Variants in ASTN2 observed in about 807,000 individuals in gnomAD.
ASTN2 encodes the protein astrotactin 2.
In ASTN2, 54 loss-of-function variants were observed where a neutral mutation model predicts 139.8. That is an observed-to-expected ratio of 0.39 (90% CI 0.31 to 0.48). The LOEUF (loss-of-function observed/expected upper bound fraction) is 0.48, where lower values mean the gene tolerates loss of function less well. Among genes scored for constraint, ASTN2 ranks in the 20% least tolerant of loss-of-function variants. ASTN2 has a pLI of 0.95. For missense variants in ASTN2, 1,565 were observed against 1,725.1 expected (o/e 0.91, Z 1.64); for synonymous variants, 756 against 719.5 (o/e 1.05, Z -0.81).
At position 117,051,638 on chromosome 9, in the gene ASTN2, C is replaced by T. The variant is rs190485091; in HGVS notation, c.1277-11673G>A. 6.9e-4 allele frequency among the ~76,000 whole-genome samples: 105 copies of T among 152,292 alleles called. 4 individuals carry two copies. In the East Asian group the frequency reaches 8.9e-3, roughly 13 times the overall value. On this transcript the variant is annotated intron_variant, in intron 5 of 22. Transcript: ENST00000313400. ...TTCTAAAAATGGAAAATATGTTGCC[C>T]ATCATTCTTTTATTTCAAAGACAGA...
intron 1 of ASTN2, among the ~76,000 whole-genome samples, chr9:117,355,746 T>C (rs1829522946): frequency 6.6e-6 from 1 of 152,066 alleles, no homozygotes; most frequent in Non-Finnish European, 1.5e-5. Flanking sequence ...CTGTCGGCAA[T>C]CAAACACCCT....
At chr9:116,677,303 C>T (rs1363526832) in intron 16 of ASTN2, among the ~76,000 whole-genome samples, 1 of 151,870 alleles carries the variant, frequency 6.6e-6, no homozygotes. Context: ...GCACCATAGA[C>T]CCTGTTTTGG....
intron 1 of ASTN2, among the ~76,000 whole-genome samples, chr9:117,325,813 C>T (rs1393975950): frequency 6.6e-6 from 1 of 152,140 alleles, no homozygotes; most frequent in African/African-American, 2.4e-5. Context: ...TGGAAATATG[C>T]ATTTCAGACC....
chr9:117,143,810 G>C (rs2132863307), intron 3 of ASTN2, among the ~76,000 whole-genome samples: 1 of 147,384 alleles, frequency 6.8e-6, no homozygotes, highest in African/African-American at 2.5e-5. Context: ...GAGAGAAAGA[G>C]AGAGAGAAAA....
intron 4 of ASTN2, among the ~76,000 whole-genome samples, chr9:117,109,023 G>A (rs1219163369): frequency 2.0e-5 from 3 of 152,044 alleles, no homozygotes; most frequent in Non-Finnish European, 4.4e-5. Context: ...GGTGACTCAC[G>A]GCTGTAATCC....
chr9:116,919,496 C>T (rs904213525), intron 10 of ASTN2, among the ~76,000 whole-genome samples: 2 of 152,154 alleles, frequency 1.3e-5, no homozygotes, highest in African/African-American at 2.4e-5. Flanking sequence ...ACAAATACTG[C>T]AGCCTCTTTC....
At chr9:117,016,582 A>T (rs1837680284) in intron 6 of ASTN2, among the ~76,000 whole-genome samples, 1 of 109,556 alleles carries the variant, frequency 9.1e-6, no homozygotes, top group Non-Finnish European at 1.8e-5. Context: ...GATTTGGGGT[A>T]TTCTAGGTTT....
At chr9:117,412,231 G>C (rs1215633026) in intron 1 of ASTN2, among the ~76,000 whole-genome samples, 1 of 152,084 alleles carries the variant, frequency 6.6e-6, no homozygotes, top group South Asian at 2.1e-4. Flanking sequence ...AGGGCGCTAG[G>C]GGGAAAAGGA....
chr9:116,801,610 A>AAAAG (rs1564274761), intron 13 of ASTN2, among the ~76,000 whole-genome samples: 11 of 139,948 alleles, frequency 7.9e-5, no homozygotes, highest in African/African-American at 2.1e-4. Flanking sequence ...AAAAAAAAAA[A>AAAAG]AAAGAAAGAA....
chr9:116,441,081 G>A (rs551403165), intron 21 of ASTN2, among the ~76,000 whole-genome samples: 26 of 152,220 alleles, frequency 1.7e-4, no homozygotes, highest in African/African-American at 6.0e-4. Context: ...GCTCATAATT[G>A]CAAGCTTAAT....
intron 19 of ASTN2, among the ~76,000 whole-genome samples, chr9:116,537,025 C>T (rs2119325462): frequency 6.6e-6 from 1 of 152,354 alleles, no homozygotes; most frequent in Non-Finnish European, 1.5e-5. Flanking sequence ...TTCCTGGCCA[C>T]TTTGTTTACC....
chr9:117,121,974 C>A (rs2132815831), intron 4 of ASTN2, among the ~76,000 whole-genome samples: 1 of 152,298 alleles, frequency 6.6e-6, no homozygotes, highest in South Asian at 2.1e-4. Context: ...CAGGCCCCTC[C>A]TCCAAAACTG....
At position 116,725,835 on chromosome 9, in the gene ASTN2, G is replaced by A; in HGVS notation, c.2742C>T (p.Leu914=). 6.2e-7 allele frequency: 1 copy of A among 1,614,016 alleles called. No individual in the cohort carries two copies. The highest frequency in any genetic ancestry group is 8.5e-7 in the Non-Finnish European group (1 of 1,180,028). ...YIAEALYGSE[L]TCIIHFPSKK... ...TGCTGGGAAAGTGGATGATGCAGGT[G>A]AGCTCTGAGCCATAGAGGGCCTCTG... The change falls in exon 16 of 23, where the codon CTC becomes CTT. Residue 914 remains leucine (L), a synonymous_variant. Transcript: ENST00000313400.
intron 16 of ASTN2, among the ~76,000 whole-genome samples, chr9:116,707,502 C>A (rs1429772423): frequency 6.6e-6 from 1 of 151,858 alleles, no homozygotes; most frequent in Non-Finnish European, 1.5e-5. Flanking sequence ...ATCGAGAGGA[C>A]CTTCCCTCCT....
chr9:116,769,982 G>GC lies in ASTN2; in HGVS notation c.2396+35649dup, dbSNP rs565845603. On this transcript the variant is annotated intron_variant, in intron 13 of 22. Transcript: ENST00000313400. Reference sequence around the variant, plus strand: ...TTTGAGTTTGGTGAGTAATAATTGTGCCACTGCACTCCAACCTGGGAAACA... The same window carrying GC: ...TTTGAGTTTGGTGAGTAATAATTGTGCCCACTGCACTCCAACCTGGGAAACA... Among the ~76,000 whole-genome samples the GC allele has an allele frequency of 2.6e-3, 401 of 151,852 alleles. 1 individual carries two copies. Among genetic ancestry groups the GC allele is most frequent in the South Asian group, 0.017 (82 of 4,800 alleles).
chr9:117,312,925 T>C (rs1476616661), intron 1 of ASTN2, among the ~76,000 whole-genome samples: 2 of 152,218 alleles, frequency 1.3e-5, no homozygotes, highest in African/African-American at 4.8e-5. Context: ...TGGGTGCCCC[T>C]GCCTGTCTCA....
At chr9:116,922,048 C>T (rs1834627504) in intron 10 of ASTN2, among the ~76,000 whole-genome samples, 1 of 152,162 alleles carries the variant, frequency 6.6e-6, no homozygotes, top group Admixed American at 6.5e-5. Context: ...TTCACATCTC[C>T]TTCCTCTCTC....
At chr9:117,342,139 T>C (rs1316298237) in intron 1 of ASTN2, among the ~76,000 whole-genome samples, 2 of 152,184 alleles carry the variant, frequency 1.3e-5, no homozygotes, top group African/African-American at 4.8e-5. Context: ...AGCTATTCAT[T>C]AACTGTTGTT....
At chr9:116,899,802 C>T (rs1833962953) in intron 10 of ASTN2, among the ~76,000 whole-genome samples, 1 of 152,158 alleles carries the variant, frequency 6.6e-6, no homozygotes, top group Admixed American at 6.5e-5. Flanking sequence ...GGATTCCTAA[C>T]CTCCCCAACT....
Sources: allele counts gnomAD v4.1 joint callset (sites outside exome capture counted in the v4.1 genomes callset), GRCh38; gene constraint gnomAD v4.1.1; transcripts MANE v1.5; gene names NCBI Gene and HGNC (gene_info 2026-07-23, HGNC 2026-07-21).